The following IL19 variants were observed in gnomAD, a reference collection of about 807,000 sequenced individuals.
The protein encoded by IL19 is interleukin 19.
A neutral mutation model predicts 19.5 loss-of-function variants in IL19; 15 were observed. The observed-to-expected ratio is 0.77, with a 90% confidence interval of 0.52 to 1.19. IL19 has a LOEUF of 1.19. IL19 is among the 50% of genes most tolerant of loss of function. IL19 has a pLI of 0.00. For missense variants in IL19, 199 were observed against 213.1 expected (o/e 0.93, Z 0.41); for synonymous variants, 78 against 78.3 (o/e 1.00, Z 0.02).
At chr1:206,833,116 C>T (rs1163641106) in intron 2 of IL19, among the ~76,000 whole-genome samples, 1 of 152,204 alleles carries the variant, frequency 6.6e-6, no homozygotes, top group Non-Finnish European at 1.5e-5. Flanking sequence ...AATTACAACA[C>T]ATTTAGTTTA....
chr1:206,795,247 A>C (rs114184205), intron 1 of IL19, among the ~76,000 whole-genome samples: 9,621 of 152,232 alleles, frequency 0.063, 358 homozygotes, highest in Middle Eastern at 0.075. Context: ...CAGATATGTC[A>C]CCTTGAAGCT....
At chr1:206,795,893 T>G (rs918198167) in intron 1 of IL19, among the ~76,000 whole-genome samples, 2 of 151,610 alleles carry the variant, frequency 1.3e-5, no homozygotes, top group African/African-American at 4.9e-5. Context: ...GTATGAGGAT[T>G]TTCCAGAGAA....
intron 2 of IL19, among the ~76,000 whole-genome samples, chr1:206,814,001 T>C (rs369261907): frequency 6.8e-6 from 1 of 146,272 alleles, no homozygotes; most frequent in Admixed American, 6.7e-5. Context: ...CTAGCCCCCA[T>C]GGTTGTATCA....
At chr1:206,801,169 T>TTA (rs1675671604) in intron 2 of IL19, among the ~76,000 whole-genome samples, 1 of 144,856 alleles carries the variant, frequency 6.9e-6, no homozygotes, top group Non-Finnish European at 1.5e-5. Context: ...ATTCGTAGTT[T>TTA]AAAAAAAAAA....
chr1:206,827,177 T>C (rs1558619729), intron 2 of IL19, among the ~76,000 whole-genome samples: 1 of 152,092 alleles, frequency 6.6e-6, no homozygotes, highest in African/African-American at 2.4e-5. Flanking sequence ...ATTCTCTTTA[T>C]AGAAAATAAC....
At chr1:206,779,853 TC>T (rs1378727371) in intron 1 of IL19, among the ~76,000 whole-genome samples, 36 of 145,946 alleles carry the variant, frequency 2.5e-4, no homozygotes, top group African/African-American at 8.8e-4. Context: ...GCTCTCTCTC[TC>T]TCTTTTTTTT....
intron 2 of IL19, among the ~76,000 whole-genome samples, chr1:206,815,986 G>A (rs1340397214): frequency 6.6e-6 from 1 of 152,084 alleles, no homozygotes; most frequent in Non-Finnish European, 1.5e-5. Flanking sequence ...TTTGTTTAAA[G>A]TTTCCAAGAA....
intron 2 of IL19, among the ~76,000 whole-genome samples, chr1:206,823,503 C>T (rs1188812503): frequency 3.3e-5 from 5 of 150,912 alleles, no homozygotes; most frequent in South Asian, 4.2e-4. Flanking sequence ...TGCAGTGAGC[C>T]GAGATCATGC....
chr1:206,821,729 G>A (rs1228769070), intron 2 of IL19, among the ~76,000 whole-genome samples: 3 of 152,184 alleles, frequency 2.0e-5, no homozygotes, highest in Admixed American at 2.0e-4. Flanking sequence ...GGCACAGCAG[G>A]GCTAAGAAAA....
chr1:206,780,929 G>T (rs1036256173), intron 1 of IL19, among the ~76,000 whole-genome samples: 1 of 152,154 alleles, frequency 6.6e-6, no homozygotes, highest in African/African-American at 2.4e-5. Flanking sequence ...AATCTATTTT[G>T]TACTCCTTGG....
At chr1:206,836,933 T>C in intron 3 of IL19, 25 bp from the exon 4 acceptor site, 2 of 1,610,854 alleles carry the variant, frequency 1.2e-6, no homozygotes, top group Non-Finnish European at 1.7e-6. Flanking sequence ...ATTGCTTATG[T>C]CTGTTCTTAT....
At position 206,840,961 on chromosome 1, in the gene IL19, G is replaced by A. The variant is rs547024441; in HGVS notation, c.364-43G>A. 3.9e-6 allele frequency: 6 copies of A among 1,532,016 alleles called. No homozygotes were observed. In the Admixed American group the frequency reaches 6.7e-5, roughly 17 times the overall value. The allele number at this position is 1,532,016 out of a possible 1,614,324, so 94.9% of individuals were successfully genotyped here. A position where few individuals can be genotyped will look rare whatever the true frequency, so the allele number is the denominator to read the frequency against. On this transcript the variant is annotated intron_variant, in intron 5 of 6. Coordinates refer to ENST00000659997, the MANE Select transcript of IL19 (RefSeq NM_153758.5). ...GAGGCAGGAGTAAGAGAGGGCCAGA[G>A]TGGAAATGTCCTCTGATAGGAGCTT...
chr1:206,827,025 G>A (rs143162641), intron 2 of IL19, among the ~76,000 whole-genome samples: 12 of 152,310 alleles, frequency 7.9e-5, no homozygotes, highest in African/African-American at 9.6e-5. Flanking sequence ...AAGAAGTGCC[G>A]TTGTGATACG....
In IL19 at chr1:206,840,984, C is replaced by T. The variant is rs1343483918; in HGVS notation, c.364-20C>T. ...GAGTGGAAATGTCCTCTGATAGGAG[C>T]TTCCTCCACTTTATCACAGCAGGAA... On this transcript the variant is annotated intron_variant, in intron 5 of 6. Coordinates refer to ENST00000659997, the MANE Select transcript of IL19 (RefSeq NM_153758.5). 14 of 1,606,968 alleles carry T rather than the reference C, an allele frequency of 8.7e-6. No homozygotes were observed. The highest frequency in any genetic ancestry group is 1.2e-5 in the Non-Finnish European group (14 of 1,173,680).
chr1:206,811,219 T>C (rs1438471904), intron 2 of IL19, among the ~76,000 whole-genome samples: 1 of 152,092 alleles, frequency 6.6e-6, no homozygotes, highest in Admixed American at 6.6e-5. Context: ...ATGAAAAAGA[T>C]GGCCAGCTAC....
At chr1:206,832,767 G>C (rs1676651201) in intron 2 of IL19, among the ~76,000 whole-genome samples, 1 of 152,104 alleles carries the variant, frequency 6.6e-6, no homozygotes, top group African/African-American at 2.4e-5. Flanking sequence ...AGTGAACCAG[G>C]GTTTAAATCC....
intron 1 of IL19, among the ~76,000 whole-genome samples, chr1:206,794,526 C>T (rs975722332): frequency 6.6e-6 from 1 of 152,124 alleles, no homozygotes; most frequent in Admixed American, 6.5e-5. Context: ...TGGTTGGCCC[C>T]GGGTCCTCCT....
intron 4 of IL19, among the ~76,000 whole-genome samples, chr1:206,837,583 T>A (rs1676842341): frequency 6.6e-6 from 1 of 152,018 alleles, no homozygotes; most frequent in South Asian, 2.1e-4. Flanking sequence ...GTGCAGTGGC[T>A]TATGCCTGTA....
intron 2 of IL19, among the ~76,000 whole-genome samples, chr1:206,810,267 T>G (rs967410049): frequency 7.9e-5 from 12 of 152,196 alleles, no homozygotes; most frequent in Admixed American, 7.9e-4. Flanking sequence ...GTGAGCTAGC[T>G]CTTGTAACTG....
Sources: allele counts gnomAD v4.1 joint callset (sites outside exome capture counted in the v4.1 genomes callset), GRCh38; gene constraint gnomAD v4.1.1; transcripts MANE v1.5; gene names NCBI Gene and HGNC (gene_info 2026-07-23, HGNC 2026-07-21).